TTC28: variants seen among roughly 807,000 people sequenced by gnomAD.
TTC28 encodes tetratricopeptide repeat domain 28.
Under a neutral mutation model 198.0 loss-of-function variants are expected in TTC28, and 61 were observed. That is an observed-to-expected ratio of 0.31 (90% CI 0.25 to 0.38). The LOEUF is 0.38. TTC28 is among the 10% of genes least tolerant of loss of function. The probability of loss-of-function intolerance (pLI) is 1.00; values close to 1 mark genes in which losing one functional copy is unlikely to be tolerated. For missense variants in TTC28, 2,678 were observed against 3,164.0 expected, an observed-to-expected ratio of 0.85 and a Z score of 3.69; for synonymous variants, 1,171 against 1,297.8, an observed-to-expected ratio of 0.90 and a Z score of 2.10.
At chr22:28,079,325 T>C (rs1279057162) in intron 12 of TTC28, among the ~76,000 whole-genome samples, 1 of 152,132 alleles carries the variant, frequency 6.6e-6, no homozygotes. Flanking sequence ...CAGAAGTGGA[T>C]TGATTAAATA....
intron 2 of TTC28, among the ~76,000 whole-genome samples, chr22:28,602,796 TA>T (rs970336287): frequency 1.1e-3 from 160 of 152,310 alleles, no homozygotes; most frequent in African/African-American, 3.6e-3. Flanking sequence ...AATAAGAAGG[TA>T]AAAAATAAAT....
intron 12 of TTC28, among the ~76,000 whole-genome samples, chr22:28,037,542 C>A: frequency 6.6e-6 from 1 of 152,270 alleles, no homozygotes; most frequent in Middle Eastern, 3.4e-3. Flanking sequence ...CTATTTATGA[C>A]AAACCCACAG....
intron 2 of TTC28, among the ~76,000 whole-genome samples, chr22:28,526,573 GCC>G (rs1168783605): frequency 6.6e-6 from 1 of 152,026 alleles, no homozygotes; most frequent in Admixed American, 6.6e-5. Context: ...TAAGTAGAAC[GCC>G]CACAGTCTTA....
At chr22:28,659,676 C>T (rs2051711804) in intron 1 of TTC28, among the ~76,000 whole-genome samples, 1 of 152,126 alleles carries the variant, frequency 6.6e-6, no homozygotes, top group Non-Finnish European at 1.5e-5. Context: ...GCAAGAGAAT[C>T]CCTTGAGCCT....
intron 2 of TTC28, among the ~76,000 whole-genome samples, chr22:28,620,650 T>A (rs1214512868): frequency 6.6e-6 from 1 of 152,148 alleles, no homozygotes; most frequent in Admixed American, 6.5e-5. Flanking sequence ...AATGTAGAAG[T>A]GGTCCAGTCA....
intron 6 of TTC28, among the ~76,000 whole-genome samples, chr22:28,113,200 G>A (rs1942534503): frequency 6.6e-6 from 1 of 152,160 alleles, no homozygotes; most frequent in Admixed American, 6.5e-5. Flanking sequence ...GAATTTTGTG[G>A]AGGTAGGGGC....
intron 6 of TTC28, among the ~76,000 whole-genome samples, chr22:28,158,528 A>G (rs907486909): frequency 6.6e-6 from 1 of 152,238 alleles, no homozygotes; most frequent in Non-Finnish European, 1.5e-5. Context: ...ACAAAGCTAT[A>G]GTAACCAAAG....
At chr22:28,530,274 A>G (rs932995882) in intron 2 of TTC28, among the ~76,000 whole-genome samples, 6 of 152,210 alleles carry the variant, frequency 3.9e-5, no homozygotes, top group African/African-American at 1.4e-4. Flanking sequence ...CACAAGCTTC[A>G]GCAGCCGATT....
intron 2 of TTC28, among the ~76,000 whole-genome samples, chr22:28,577,657 T>C (rs990306639): frequency 2.0e-5 from 3 of 152,090 alleles, no homozygotes; most frequent in African/African-American, 7.2e-5. Context: ...GTGTTGGGTA[T>C]ATATATATTT....
chr22:28,640,314 G>GC (rs928888590), intron 1 of TTC28, among the ~76,000 whole-genome samples: 1 of 90,970 alleles, frequency 1.1e-5, no homozygotes, highest in African/African-American at 5.0e-5. Context: ...AAAAGTAAAG[G>GC]GGGGGGGGGG....
At chr22:28,678,626 CAT>C (rs2052040156) in intron 1 of TTC28, among the ~76,000 whole-genome samples, 1 of 152,178 alleles carries the variant, frequency 6.6e-6, no homozygotes, top group Admixed American at 6.6e-5. Context: ...TGAGAAAAAT[CAT>C]ATACTGTAAA....
chr22:28,140,111 G>A (rs1943296333), intron 6 of TTC28, among the ~76,000 whole-genome samples: 3 of 152,174 alleles, frequency 2.0e-5, no homozygotes. Flanking sequence ...AAGGTTGAGA[G>A]GGTCTGCTCT....
Position 27,998,926 on chromosome 22 carries a change from G to A in TTC28, c.4733C>T (p.Thr1578Met), listed in dbSNP as rs760122994. 2.2e-5 allele frequency: 34 copies of A among 1,550,676 alleles called. No homozygotes were observed. Among genetic ancestry groups the A allele is most frequent in the South Asian group, 9.5e-5 (8 of 84,068 alleles). Residue 1578 changes from threonine (T) to methionine (M), a missense_variant, in exon 16 of 23, where the codon ACG (threonine) becomes ATG (methionine). This residue lies in a region of TTC28 where 727 missense variants were observed against 861.9 expected (regional missense o/e 0.84). Transcript: ENST00000397906. ...CTGCACCCGCAAGGACTCAGGGATC[G>A]TGTAGGGGTGGCCGAAGGAGCTCTT... The part of the protein sequence containing the change: ...SSKSSFGHPY[T>M]IPESLRVQDD...
chr22:28,365,738 T>C (rs2046236857), intron 2 of TTC28, among the ~76,000 whole-genome samples: 1 of 152,252 alleles, frequency 6.6e-6, no homozygotes, highest in African/African-American at 2.4e-5. Flanking sequence ...GTATTACTTC[T>C]AATCACTTCT....
At chr22:28,204,527 C>T (rs1926234817) in intron 5 of TTC28, among the ~76,000 whole-genome samples, 2 of 152,158 alleles carry the variant, frequency 1.3e-5, no homozygotes. Context: ...CTCCATCTAA[C>T]TCTGAGGCCT....
At chr22:28,161,485 T>TAAGA (rs1461548563) in intron 6 of TTC28, among the ~76,000 whole-genome samples, 1 of 152,028 alleles carries the variant, frequency 6.6e-6, no homozygotes, top group East Asian at 1.9e-4. Flanking sequence ...ATGACTCTAC[T>TAAGA]AAGAAAGAAA....
chr22:28,492,542 GA>G (rs1325260471), intron 2 of TTC28, among the ~76,000 whole-genome samples: 1 of 152,050 alleles, frequency 6.6e-6, no homozygotes, highest in Non-Finnish European at 1.5e-5. Context: ...AACAGGAAGG[GA>G]AAAAGGGGCA....
intron 5 of TTC28, among the ~76,000 whole-genome samples, chr22:28,256,026 A>AT (rs1361377801): frequency 2.0e-5 from 3 of 152,176 alleles, no homozygotes; most frequent in African/African-American, 4.8e-5. Flanking sequence ...AATGTCAGTC[A>AT]TAAGTGTAGG....
At chr22:28,436,062 C>T (rs980109483) in intron 2 of TTC28, among the ~76,000 whole-genome samples, 2 of 152,220 alleles carry the variant, frequency 1.3e-5, no homozygotes, top group African/African-American at 4.8e-5. Context: ...ACCACCACCT[C>T]ATAACTGTGA....
Sources: allele counts gnomAD v4.1 joint callset (sites outside exome capture counted in the v4.1 genomes callset), GRCh38; gene constraint gnomAD v4.1.1; regional missense constraint gnomAD v4.1.1; transcripts MANE v1.5; gene names NCBI Gene and HGNC (gene_info 2026-07-23, HGNC 2026-07-21).